Variants in TRPV3 observed in about 807,000 individuals in gnomAD.
TRPV3 encodes transient receptor potential cation channel subfamily V member 3.
In TRPV3, 88 loss-of-function variants were observed where a neutral mutation model predicts 87.1. That is an observed-to-expected ratio of 1.01 (90% CI 0.85 to 1.21). TRPV3 has a LOEUF of 1.21. Ranked by LOEUF, TRPV3 falls within the 50% of genes most tolerant of loss-of-function variation. TRPV3 has a pLI of 0.00. For missense variants in TRPV3, 1,054 were observed against 1,030.1 expected (o/e 1.02, Z -0.32); for synonymous variants, 438 against 423.3 (o/e 1.03, Z -0.43).
chr17:3,549,849 G>C (rs1324364425), intron 2 of TRPV3, among the ~76,000 whole-genome samples: 1 of 151,676 alleles, frequency 6.6e-6, no homozygotes, highest in Non-Finnish European at 1.5e-5. Flanking sequence ...ATGATTGATG[G>C]GTGAATAAAT....
intron 12 of TRPV3, among the ~76,000 whole-genome samples, chr17:3,524,656 C>T (rs748170177): frequency 6.6e-5 from 10 of 150,818 alleles, no homozygotes; most frequent in South Asian, 4.2e-4. Flanking sequence ...GGGTACTGCC[C>T]GGGAGGCCAT....
intron 11 of TRPV3, chr17:3,527,688 T>C: frequency 5.5e-6 from 2 of 362,060 alleles, no homozygotes; most frequent in Non-Finnish European, 1.0e-5. Context: ...TAAGGATGAG[T>C]GGACATGTGA....
Position 3,528,609 on chromosome 17 carries a change from A to C in TRPV3, c.1401+228T>G, listed in dbSNP as rs2074320954. ...CAGGGCCTGAGTCTCCGAATTCTCCAACTTTCCTCCCAGCAAGGGTCTGCC... is the reference window on the plus strand; with the variant it reads ...CAGGGCCTGAGTCTCCGAATTCTCCCACTTTCCTCCCAGCAAGGGTCTGCC... On this transcript the variant is annotated intron_variant, in intron 10 of 17. Transcript: ENST00000576742. The surrounding 1 kb of genome is among the most constrained non-coding windows in gnomAD (Gnocchi z 4.2). 6.6e-6 allele frequency among the ~76,000 whole-genome samples: 1 copy of C among 152,124 alleles called. No individual in the cohort carries two copies. The highest frequency in any genetic ancestry group is 2.1e-4 in the South Asian group (1 of 4,820).
In TRPV3 at chr17:3,544,617, A is replaced by T. The variant is rs779229038; in HGVS notation, c.273T>A (p.Asp91Glu). The change falls in exon 4 of 18, where the codon GAT becomes GAA. Residue 91 changes from aspartate (D) to glutamate (E), a missense_variant. Transcript: ENST00000576742. ...GATTGGATGGGGTCTCTGTCACATC[A>T]TCCTGAGGAGACTGGGGGGAGTCCA... is the stretch of plus-strand genomic sequence containing the variant. Reference protein sequence around the residue: ...DDMDSPQSPQDDVTETPSNPN... With the variant: ...DDMDSPQSPQEDVTETPSNPN... The T allele has an allele frequency of 9.3e-6, 15 of 1,609,784 alleles. No homozygotes were observed. The South Asian group carries it at 1.5e-4, about 17-fold the overall frequency.
chr17:3,540,352 A>G (rs2074447418), intron 6 of TRPV3, among the ~76,000 whole-genome samples: 2 of 152,150 alleles, frequency 1.3e-5, no homozygotes, highest in Non-Finnish European at 1.5e-5. Context: ...GTTGGTTTCC[A>G]GGAAGACAAG....
chr17:3,524,984 C>T (rs2074282735), intron 12 of TRPV3, among the ~76,000 whole-genome samples: 1 of 152,078 alleles, frequency 6.6e-6, no homozygotes, highest in African/African-American at 2.4e-5. Flanking sequence ...TAGCAAAAGT[C>T]CCCCAAACCC....
chr17:3,541,811 C>G (rs2074464215), intron 6 of TRPV3, among the ~76,000 whole-genome samples: 1 of 152,224 alleles, frequency 6.6e-6, no homozygotes, highest in African/African-American at 2.4e-5. Flanking sequence ...CAAAGATGAC[C>G]ACTCTGACTG....
At chr17:3,546,966 T>TAAAAAAAAAAAAAA (rs1186154946) in intron 2 of TRPV3, among the ~76,000 whole-genome samples, 1 of 54,746 alleles carries the variant, frequency 1.8e-5, no homozygotes, top group African/African-American at 1.3e-4. Context: ...GGACTCCTTC[T>TAAAAAAAAAAAAAA]CAAAAAAAAA....
At chr17:3,540,949 C>T (rs322942) in intron 6 of TRPV3, among the ~76,000 whole-genome samples, 68,985 of 152,150 alleles carry the variant, frequency 0.45, 17,710 homozygotes, top group East Asian at 0.6. Flanking sequence ...TTGTCACAAT[C>T]CTTGACTTCT....
At chr17:3,546,744 A>C (rs1466841215) in intron 2 of TRPV3, 1 of 452,272 alleles carries the variant, frequency 2.2e-6, no homozygotes, top group Non-Finnish European at 4.4e-6. Context: ...CTGGGAGGTC[A>C]AAGTGGGCAG....
chr17:3,532,960 C>T, intron 7 of TRPV3, 23 bp from the exon 8 acceptor site: 2 of 1,610,350 alleles, frequency 1.2e-6, no homozygotes, highest in Admixed American at 1.7e-5. Context: ...CGCACTGAAG[C>T]TTGGTTCTCT....
intron 7 of TRPV3, 124 bp from the exon 8 acceptor site, chr17:3,533,061 C>G (rs1183933059): frequency 3.6e-6 from 4 of 1,108,386 alleles, no homozygotes; most frequent in Non-Finnish European, 5.1e-6. Flanking sequence ...CTAGCCCTCT[C>G]CCCATCTTCC....
chr17:3,553,109 T>C, intron 2 of TRPV3: 1 of 152,694 alleles, frequency 6.5e-6, no homozygotes, highest in Non-Finnish European at 1.5e-5. Flanking sequence ...CCGCCATCCC[T>C]CCAGGCCCTC....
chr17:3,554,800 A>G lies in TRPV3; in HGVS notation c.51T>C (p.Ala17=), dbSNP rs1402686113. ...GGATGGCAGGGTTCCCACTGGGGGC[A>G]GCAACTCTCTTGCCCATGAGAGGCA... The part of the protein sequence containing the change: ...EMVPLMGKRV[A]APSGNPAILP... Residue 17 remains alanine, a synonymous_variant, in exon 2 of 18, where the codon GCT becomes GCC. Coordinates refer to ENST00000576742, the MANE Select transcript of TRPV3 (RefSeq NM_145068.4). 6.2e-7 allele frequency: 1 copy of G among 1,612,804 alleles called. No homozygotes were observed. Among genetic ancestry groups the G allele is most frequent in the Non-Finnish European group, 8.5e-7 (1 of 1,179,548 alleles).
chr17:3,555,189 A>T (rs2074615924), intron 1 of TRPV3, among the ~76,000 whole-genome samples: 1 of 152,094 alleles, frequency 6.6e-6, no homozygotes, highest in Non-Finnish European at 1.5e-5. Flanking sequence ...AGAGTCCAGC[A>T]GGGTGTCCCG....
At chr17:3,549,492 C>T (rs2074553473) in intron 2 of TRPV3, among the ~76,000 whole-genome samples, 1 of 152,228 alleles carries the variant, frequency 6.6e-6, no homozygotes, top group Admixed American at 6.5e-5. Context: ...ATTCCCAACA[C>T]TGGTCCTAAC....
intron 17 of TRPV3, 73 bp from the exon 18 acceptor site, chr17:3,514,084 T>C: frequency 7.4e-7 from 1 of 1,357,590 alleles, no homozygotes. Flanking sequence ...CTTTTTCTTT[T>C]TTTTCTTTTT....
At chr17:3,520,874 G>T in intron 14 of TRPV3, 99 bp downstream of exon 14, 1 of 650,474 alleles carries the variant, frequency 1.5e-6, no homozygotes, top group Non-Finnish European at 2.7e-6. Flanking sequence ...ACTGGTAGTT[G>T]GTCTAATTGT....
chr17:3,517,358 C>T (rs1434090644), intron 15 of TRPV3, among the ~76,000 whole-genome samples: 2 of 152,052 alleles, frequency 1.3e-5, no homozygotes, highest in Non-Finnish European at 2.9e-5. Context: ...TGGCTCACAC[C>T]TGTAATCCCA....
Sources: gnomAD v4.1 joint callset for allele counts (sites outside exome capture counted in the v4.1 genomes callset) on GRCh38, gnomAD v4.1.1 for gene constraint, Gnocchi (gnomAD v3.1) non-coding constraint, MANE v1.5 for transcripts, NCBI Gene and HGNC (gene_info 2026-07-23, HGNC 2026-07-21) for gene names.